The following KCNJ6 variants were observed in gnomAD, a reference collection of about 807,000 sequenced individuals.
KCNJ6 encodes the protein potassium inwardly rectifying channel subfamily J member 6, also known as G protein-activated inward rectifier potassium channel 2.
Under a neutral mutation model 34.2 loss-of-function variants are expected in KCNJ6, and 9 were observed. The observed-to-expected ratio is 0.26, with a 90% CI of 0.16 to 0.46. KCNJ6 has a LOEUF of 0.46. Among genes scored for constraint, KCNJ6 ranks in the 20% least tolerant of loss-of-function variants. The probability of loss-of-function intolerance (pLI) is 1.00; values close to 1 mark genes in which losing one functional copy is unlikely to be tolerated. For missense variants in KCNJ6, 236 were observed against 531.3 expected (o/e 0.44, Z 5.46); for synonymous variants, 196 against 207.1 (o/e 0.95, Z 0.46).
At chr21:37,684,255 G>C (rs932062420) in intron 3 of KCNJ6, among the ~76,000 whole-genome samples, 1 of 152,066 alleles carries the variant, frequency 6.6e-6, no homozygotes, top group East Asian at 1.9e-4. Context: ...AGTTGCTGGC[G>C]ATCTTTGGCT....
intron 3 of KCNJ6, among the ~76,000 whole-genome samples, chr21:37,667,154 TAAAA>T (rs55953891): frequency 0.027 from 1,062 of 39,092 alleles, 29 homozygotes; most frequent in Non-Finnish European, 0.035. Flanking sequence ...CAATAAATAC[TAAAA>T]AAAAAAAAAA....
At chr21:37,909,944 T>A (rs537661549) in intron 1 of KCNJ6, among the ~76,000 whole-genome samples, 46 of 152,288 alleles carry the variant, frequency 3.0e-4, no homozygotes, top group Admixed American at 2.9e-3. Flanking sequence ...TCATTGACAC[T>A]GATGTGACAT....
chr21:37,825,014 C>T (rs2055392131), intron 2 of KCNJ6, among the ~76,000 whole-genome samples: 1 of 152,122 alleles, frequency 6.6e-6, no homozygotes. Context: ...GTTCTGTCTG[C>T]ATGCCAACTC....
rs974097422 is a variant in KCNJ6, at chr21:37,621,653, G to C, written c.*3506C>G. On this transcript the variant is annotated 3_prime_UTR_variant, in exon 4 of 4. Coordinates refer to ENST00000609713, the MANE Select transcript of KCNJ6 (RefSeq NM_002240.5). ...GTGCTTAAGAAATAGGTTGACATTTGCAGCTGGATTTCTGTTAGGGAACAT... is the reference window on the plus strand; with the variant it reads ...GTGCTTAAGAAATAGGTTGACATTTCCAGCTGGATTTCTGTTAGGGAACAT... 6.6e-6 allele frequency: 1 copy of C among 152,224 alleles called. No homozygotes were observed. Among genetic ancestry groups the C allele is most frequent in the African/African-American group, 2.4e-5 (1 of 41,458 alleles). 9.4% of individuals were successfully genotyped at this position (152,224 alleles called of 1,614,324 possible).
chr21:37,859,193 A>G (rs2055580178), intron 1 of KCNJ6, among the ~76,000 whole-genome samples: 1 of 152,106 alleles, frequency 6.6e-6, no homozygotes, highest in African/African-American at 2.4e-5. Flanking sequence ...ATAGGTAATT[A>G]CTATGGAAAA....
chr21:37,714,995 C>T lies in KCNJ6; in HGVS notation c.162G>A (p.Gln54=). Residue 54 remains glutamine (Q), a synonymous_variant, in exon 3 of 4, where the codon CAG becomes CAA. Coordinates refer to ENST00000609713, the MANE Select transcript of KCNJ6 (RefSeq NM_002240.5). The surrounding 1 kb of genome is among the most constrained non-coding windows in gnomAD (Gnocchi z 5.9). ...ACTTTCCGTCTTTCCTCACGTACCT[C>T]TGGATTTTCCTTTTGGTCCGATCTC... The part of the protein sequence containing the change: ...ISRDRTKRKI[Q]RYVRKDGKCN... 6.2e-7 allele frequency: 1 copy of T among 1,614,214 alleles called. No individual in the cohort carries two copies. Among genetic ancestry groups the T allele is most frequent in the South Asian group, 1.1e-5 (1 of 91,088 alleles).
At chr21:37,711,059 TG>T (rs2054749238) in intron 3 of KCNJ6, among the ~76,000 whole-genome samples, 1 of 152,222 alleles carries the variant, frequency 6.6e-6, no homozygotes, top group African/African-American at 2.4e-5. Context: ...TGCGTGGGCA[TG>T]GGTCTGTCTT....
chr21:37,687,457 A>G (rs1339346482), intron 3 of KCNJ6, among the ~76,000 whole-genome samples: 1 of 152,168 alleles, frequency 6.6e-6, no homozygotes, highest in Non-Finnish European at 1.5e-5. Context: ...CTGAAACATC[A>G]GCTACTGTTC....
intron 1 of KCNJ6, among the ~76,000 whole-genome samples, chr21:37,914,047 G>GTGTGTGTGTC (rs892083560): frequency 1.3e-5 from 2 of 150,308 alleles, no homozygotes; most frequent in Non-Finnish European, 3.0e-5. Flanking sequence ...GTGTGTGTGT[G>GTGTGTGTGTC]TGTCTGTGCG....
chr21:37,663,733 A>G (rs2054500819), intron 3 of KCNJ6, among the ~76,000 whole-genome samples: 1 of 152,196 alleles, frequency 6.6e-6, no homozygotes, highest in African/African-American at 2.4e-5. Context: ...TTCACAGTAG[A>G]AAAAACCAAG....
chr21:37,868,721 C>T (rs1370839950), intron 1 of KCNJ6, among the ~76,000 whole-genome samples: 1 of 152,220 alleles, frequency 6.6e-6, no homozygotes, highest in Non-Finnish European at 1.5e-5. Context: ...TGTGTAAATT[C>T]TCACAGCTCA....
intron 2 of KCNJ6, among the ~76,000 whole-genome samples, chr21:37,726,151 C>T (rs905562959): frequency 6.6e-6 from 1 of 152,076 alleles, no homozygotes; most frequent in African/African-American, 2.4e-5. Flanking sequence ...GGTGATCCAC[C>T]CCCCTCGTCC....
chr21:37,756,078 T>A (rs1254158078), intron 2 of KCNJ6, among the ~76,000 whole-genome samples: 1 of 152,176 alleles, frequency 6.6e-6, no homozygotes, highest in Non-Finnish European at 1.5e-5. Flanking sequence ...CACAGCACCC[T>A]CGTTTGTAAA....
chr21:37,625,773 A>G (rs2054307964), intron 3 of KCNJ6, among the ~76,000 whole-genome samples: 1 of 152,246 alleles, frequency 6.6e-6, no homozygotes, highest in African/African-American at 2.4e-5. Flanking sequence ...GCAAATGCAC[A>G]CAAGTTTTCG....
intron 3 of KCNJ6, among the ~76,000 whole-genome samples, chr21:37,702,026 A>G (rs1375204423): frequency 1.3e-5 from 2 of 152,066 alleles, no homozygotes; most frequent in African/African-American, 4.8e-5. Flanking sequence ...TGAGGTCAGG[A>G]GTTCGAGACC....
At chr21:37,850,340 C>A (rs114356425) in intron 1 of KCNJ6, among the ~76,000 whole-genome samples, 1 of 151,864 alleles carries the variant, frequency 6.6e-6, no homozygotes, top group Admixed American at 6.6e-5. Flanking sequence ...TACTGGTCCG[C>A]GGCCTGTTAG....
intron 2 of KCNJ6, among the ~76,000 whole-genome samples, chr21:37,798,264 C>A (rs942090883): frequency 6.6e-6 from 1 of 152,186 alleles, no homozygotes; most frequent in African/African-American, 2.4e-5. Flanking sequence ...GTGCCTGGGG[C>A]ACAGCGGAGC....
intron 3 of KCNJ6, among the ~76,000 whole-genome samples, chr21:37,674,742 T>G (rs550631894): frequency 6.6e-6 from 1 of 152,004 alleles, no homozygotes; most frequent in South Asian, 2.1e-4. Context: ...TCCTTTCCTT[T>G]CTGCACGTCT....
At chr21:37,778,818 AC>A (rs1169639725) in intron 2 of KCNJ6, among the ~76,000 whole-genome samples, 1 of 144,792 alleles carries the variant, frequency 6.9e-6, no homozygotes, top group Non-Finnish European at 1.5e-5. Context: ...TTCTTGGAGC[AC>A]CCCCTCCTTC....
Sources: gnomAD v4.1 joint callset for allele counts (sites outside exome capture counted in the v4.1 genomes callset) on GRCh38, gnomAD v4.1.1 for gene constraint, Gnocchi (gnomAD v3.1) non-coding constraint, MANE v1.5 for transcripts, NCBI Gene and HGNC (gene_info 2026-07-23, HGNC 2026-07-21) for gene names.